The following MPDZ variants were observed in gnomAD, a reference collection of about 807,000 sequenced individuals.
MPDZ encodes the protein multiple PDZ domain protein.
In MPDZ, 234 loss-of-function variants were observed where a neutral mutation model predicts 239.1. That is an observed-to-expected ratio of 0.98 (90% CI 0.88 to 1.09). The LOEUF is 1.09. Among genes scored for constraint, MPDZ ranks in the 50% least tolerant of loss-of-function variants. The probability of loss-of-function intolerance (pLI) is 0.00; values close to 1 mark genes in which losing one functional copy is unlikely to be tolerated. For missense variants in MPDZ, 3,175 were observed against 2,510.0 expected (o/e 1.26, Z -5.66); for synonymous variants, 1,048 against 881.3 (o/e 1.19, Z -3.35).
chr9:13,262,491 G>A (rs1970917381), intron 1 of MPDZ, among the ~76,000 whole-genome samples: 1 of 151,864 alleles, frequency 6.6e-6, no homozygotes, highest in Non-Finnish European at 1.5e-5. Context: ...TCTCTTCATA[G>A]GAGGATAGAA....
At position 13,143,489 on chromosome 9, in the gene MPDZ, A is replaced by C; in HGVS notation, c.3817T>G (p.Ser1273Ala). The C allele has an allele frequency of 6.2e-7, 1 of 1,612,542 alleles. No individual in the cohort carries two copies. Among genetic ancestry groups the C allele is most frequent in the Non-Finnish European group, 8.5e-7 (1 of 1,178,730 alleles). The change falls in exon 27 of 47, where the codon TCT becomes GCT. Residue 1273 changes from serine to alanine, a missense_variant. Ser to Ala is a moderately conservative substitution (Grantham distance 99, BLOSUM62 1). Transcript: ENST00000319217. ...ACCTTGTCGGCGTTGATTTGTAGAGAGTCAGCAAATGGGTTAGTGCTGCTG... is the reference window on the plus strand; with the variant it reads ...ACCTTGTCGGCGTTGATTTGTAGAGCGTCAGCAAATGGGTTAGTGCTGCTG... The part of the protein sequence containing the change: ...NFSSTNPFAD[S>A]LQINADKAPS...
chr9:13,203,420 T>A (rs1232859147), intron 12 of MPDZ, among the ~76,000 whole-genome samples: 1 of 152,232 alleles, frequency 6.6e-6, no homozygotes, highest in South Asian at 2.1e-4. Context: ...CAATTCATAT[T>A]CAACCAACCT....
chr9:13,118,384 C>A (rs370320602), intron 39 of MPDZ, among the ~76,000 whole-genome samples: 2 of 152,172 alleles, frequency 1.3e-5, no homozygotes, highest in Non-Finnish European at 2.9e-5. Flanking sequence ...TAAACACATT[C>A]ATATGCCAGA....
intron 39 of MPDZ, among the ~76,000 whole-genome samples, chr9:13,116,955 G>A (rs10960953): frequency 6.6e-6 from 1 of 151,898 alleles, no homozygotes; most frequent in Non-Finnish European, 1.5e-5. Context: ...CTTTATTATA[G>A]GGGGGAATAT....
Position 13,224,445 on chromosome 9 carries a change from G to A in MPDZ, c.322C>T (p.Pro108Ser). 2 of 1,612,860 alleles carry A rather than the reference G, an allele frequency of 1.2e-6. No individual in the cohort carries two copies. The highest frequency in any genetic ancestry group is 1.7e-5 in the Admixed American group (1 of 59,850). Residue 108 changes from proline (P) to serine (S), a missense_variant, in exon 4 of 47, where the codon CCT becomes TCT. Physicochemically the swap from Pro to Ser is moderately conservative, Grantham distance 74 (BLOSUM62 -1). Coordinates refer to ENST00000319217, the MANE Select transcript of MPDZ (RefSeq NM_001378778.1). The stretch of plus-strand genomic sequence containing the variant: ...TTCCCATTAATGTGTGGAATACCAG[G>A]TCCTGTAAGTGCTTCCAGATTCCCA... The part of the protein sequence containing the change: ...NNGNLEALTG[P>S]GIPHINGKPA...
At position 13,223,700 on chromosome 9, in the gene MPDZ, A is replaced by C. The variant is rs1484641351; in HGVS notation, c.404T>G (p.Val135Gly). The change falls in exon 5 of 47, where the codon GTA becomes GGA. Residue 135 changes from valine to glycine, a missense_variant. Physicochemically the swap from Val to Gly is moderately radical, Grantham distance 109. Coordinates refer to ENST00000319217, the MANE Select transcript of MPDZ (RefSeq NM_001378778.1). Reference protein sequence around the residue: ...LIKNMAQGRHVEVFELLKPPS... With the variant: ...LIKNMAQGRHGEVFELLKPPS... Reference sequence around the variant, plus strand: ...AGGTTTGAGGAGCTCAAAAACTTCTACATGGCGACCCTGTTTAGGAAACAA... The same window carrying C: ...AGGTTTGAGGAGCTCAAAAACTTCTCCATGGCGACCCTGTTTAGGAAACAA... The C allele has an allele frequency of 3.1e-6, 5 of 1,603,246 alleles. No homozygotes were observed. Among genetic ancestry groups the C allele is most frequent in the Non-Finnish European group, 4.3e-6 (5 of 1,174,422 alleles).
Position 13,188,987 on chromosome 9 carries a change from T to A in MPDZ, c.2161A>T (p.Ile721Phe). 6.2e-7 allele frequency: 1 copy of A among 1,612,304 alleles called. No homozygotes were observed. Among genetic ancestry groups the A allele is most frequent in the South Asian group, 1.1e-5 (1 of 90,950 alleles). The change falls in exon 17 of 47, where the codon ATT (isoleucine) becomes TTT (phenylalanine). Residue 721 changes from isoleucine to phenylalanine, a missense_variant. Coordinates refer to ENST00000319217, the MANE Select transcript of MPDZ (RefSeq NM_001378778.1). ...GFSILDYQDPIDPASTVIIIR... is the reference protein window; with the variant it reads ...GFSILDYQDPFDPASTVIIIR... ...ATAATCACAGTGCTTGCTGGATCAA[T>A]TGGATCCTGACAGAAGGCAAAAGGA...
intron 22 of MPDZ, among the ~76,000 whole-genome samples, chr9:13,164,406 A>G (rs1337631089): frequency 6.6e-6 from 1 of 152,182 alleles, no homozygotes; most frequent in East Asian, 1.9e-4. Context: ...TAAAATAAAG[A>G]TAAACATAAA....
intron 3 of MPDZ, among the ~76,000 whole-genome samples, chr9:13,225,608 A>G (rs1192110727): frequency 1.3e-5 from 2 of 151,890 alleles, no homozygotes; most frequent in East Asian, 1.9e-4. Flanking sequence ...TACCTTTTCT[A>G]TATTTAGAAA....
intron 1 of MPDZ, among the ~76,000 whole-genome samples, chr9:13,277,751 G>A (rs955269627): frequency 6.6e-6 from 1 of 152,084 alleles, no homozygotes; most frequent in Non-Finnish European, 1.5e-5. Flanking sequence ...TTTTAGTAGA[G>A]ACAGGGTTTC....
chr9:13,132,561 G>C (rs187153202), intron 32 of MPDZ, among the ~76,000 whole-genome samples: 2 of 152,260 alleles, frequency 1.3e-5, no homozygotes, highest in East Asian at 3.9e-4. Flanking sequence ...GAAAATCAGT[G>C]ACAGGTAGCC....
Position 13,188,913 on chromosome 9 carries a change from A to G in MPDZ, c.2235T>C (p.Leu745=). The change falls in exon 17 of 47, where the codon CTT becomes CTC. Residue 745 remains leucine (L), a synonymous_variant. Transcript: ENST00000319217. The part of the protein sequence containing the change: ...PGGIAEKDGR[L]LPGDRLMFVN... ...CAAACATGAGTCGGTCACCAGGAAG[A>G]AGTCGTCCATCCTTTTCAGCAATGC... 1 of 1,613,576 alleles carries G rather than the reference A, an allele frequency of 6.2e-7. No homozygotes were observed. Among genetic ancestry groups the G allele is most frequent in the Non-Finnish European group, 8.5e-7 (1 of 1,179,588 alleles).
rs1182860590 is a variant in MPDZ, at chr9:13,106,965, T to A, written c.6213A>T (p.Ter2071CysextTer6). ...GGTTGGTTCAATTCTGGCAGCCAAT[T>A]CAAGAGAGAACCATCAAAGTGACAG... The part of the protein sequence containing the change: ...KGTVTLMVLS[*>C] Residue 2071 changes from the stop codon to cysteine, a stop_lost, in exon 47 of 47, where the codon TGA becomes TGT. Transcript: ENST00000319217. The A allele has an allele frequency of 6.2e-7, 1 of 1,613,446 alleles. No individual in the cohort carries two copies. Among genetic ancestry groups the A allele is most frequent in the Admixed American group, 1.7e-5 (1 of 60,010 alleles).
intron 43 of MPDZ, among the ~76,000 whole-genome samples, chr9:13,110,964 A>AG (rs2131101971): frequency 1.3e-5 from 2 of 152,332 alleles, no homozygotes; most frequent in Non-Finnish European, 2.9e-5. Flanking sequence ...GGGGAGAGGG[A>AG]GGGAGAAGGA....
At chr9:13,229,498 G>A (rs1961707785) in intron 3 of MPDZ, among the ~76,000 whole-genome samples, 1 of 149,290 alleles carries the variant, frequency 6.7e-6, no homozygotes, top group Non-Finnish European at 1.5e-5. Flanking sequence ...ATAAAGGTCA[G>A]ATGTTAACAA....
Position 13,136,076 on chromosome 9 carries a change from C to G in MPDZ, c.4383+16G>C, listed in dbSNP as rs1946693256. 6.5e-7 allele frequency: 1 copy of G among 1,531,092 alleles called. No homozygotes were observed. Among genetic ancestry groups the G allele is most frequent in the South Asian group, 1.2e-5 (1 of 86,882 alleles). The allele number at this position is 1,531,092 out of a possible 1,614,324, so 94.8% of individuals were successfully genotyped here. A position where few individuals can be genotyped will look rare whatever the true frequency, so the allele number is the denominator to read the frequency against. Reference sequence around the variant, plus strand: ...AATCAAGTCTTCCCAGAGAAACAAACATAAGTTACATATACCTCCTTATTT... The same window carrying G: ...AATCAAGTCTTCCCAGAGAAACAAAGATAAGTTACATATACCTCCTTATTT... On this transcript the variant is annotated intron_variant, in intron 31 of 46. Transcript: ENST00000319217.
At chr9:13,146,976 C>G (rs1375090530) in intron 26 of MPDZ, among the ~76,000 whole-genome samples, 1 of 151,934 alleles carries the variant, frequency 6.6e-6, no homozygotes, top group East Asian at 1.9e-4. Context: ...CCACCAACAG[C>G]TATACAGTGA....
At chr9:13,216,610 C>G (rs1228851904) in intron 10 of MPDZ, among the ~76,000 whole-genome samples, 164 bp downstream of exon 10, 1 of 151,870 alleles carries the variant, frequency 6.6e-6, no homozygotes, top group African/African-American at 2.4e-5. Flanking sequence ...CCTTATTTTA[C>G]TTCCACAAAA....
At position 13,254,380 on chromosome 9, in the gene MPDZ, G is replaced by GCCTC. The variant is rs1968888942; in HGVS notation, c.-57-4009_-57-4008insGAGG. On this transcript the variant is annotated intron_variant, in intron 1 of 46. Transcript: ENST00000319217. ...AACCCTTAAGAAGCCTCTTTAAATAGTTATTCAAAGTACATTCAAAAACAT... is the reference window on the plus strand; with the variant it reads ...AACCCTTAAGAAGCCTCTTTAAATAGCCTCTTATTCAAAGTACATTCAAAAACAT... Among the ~76,000 whole-genome samples, 6 of 152,060 alleles carry GCCTC rather than the reference G, an allele frequency of 3.9e-5. No individual in the cohort carries two copies. In the South Asian group the frequency reaches 1.0e-3, roughly 26 times the overall value.
Sources: allele counts gnomAD v4.1 joint callset (sites outside exome capture counted in the v4.1 genomes callset), GRCh38; gene constraint gnomAD v4.1.1; transcripts MANE v1.5; gene names NCBI Gene and HGNC (gene_info 2026-07-23, HGNC 2026-07-21).